CLIC5: variants seen among roughly 807,000 people sequenced by gnomAD.
CLIC5 encodes CLIC family member 5.
Under a neutral mutation model 24.7 loss-of-function variants are expected in CLIC5, and 20 were observed. The observed-to-expected ratio is 0.81, with a 90% CI of 0.57 to 1.18. The LOEUF (loss-of-function observed/expected upper bound fraction) is 1.18. Ranked by LOEUF, CLIC5 falls within the 50% of genes most tolerant of loss-of-function variation. CLIC5 has a pLI of 0.00. For missense variants in CLIC5, 341 were observed against 326.1 expected, an observed-to-expected ratio of 1.05 and a Z score of -0.35; for synonymous variants, 159 against 135.6, an observed-to-expected ratio of 1.17 and a Z score of -1.20.
chr6:46,063,938 C>T (rs774007280), intron 1 of CLIC5, among the ~76,000 whole-genome samples: 11 of 152,080 alleles, frequency 7.2e-5, no homozygotes, highest in Non-Finnish European at 1.5e-4. Context: ...TAAAGGAACA[C>T]AACAAAATCC....
chr6:45,946,302 G>T (rs1764287204), intron 3 of CLIC5, among the ~76,000 whole-genome samples: 1 of 152,210 alleles, frequency 6.6e-6, no homozygotes, highest in Non-Finnish European at 1.5e-5. Flanking sequence ...GTGTTCACTA[G>T]ATCAATCTAA....
chr6:45,883,507 T>C (rs920405009), intron 6 of CLIC5, among the ~76,000 whole-genome samples: 2 of 152,188 alleles, frequency 1.3e-5, no homozygotes, highest in African/African-American at 4.8e-5. Flanking sequence ...GCTCCTGGCA[T>C]GGGGAGGCAG....
At chr6:46,116,613 T>G in the CLIC5 span, among the ~76,000 whole-genome samples, 1 of 152,150 alleles carries the variant, frequency 6.6e-6, no homozygotes, top group Non-Finnish European at 1.5e-5. Flanking sequence ...CCAGAAAAAT[T>G]TACCTCAATT....
At chr6:46,106,094 T>C in the CLIC5 span, among the ~76,000 whole-genome samples, 1 of 152,188 alleles carries the variant, frequency 6.6e-6, no homozygotes, top group African/African-American at 2.4e-5. Flanking sequence ...TGTGTCTATT[T>C]TTTGGCACCT....
chr6:46,024,230 G>A (rs958083779), intron 1 of CLIC5, among the ~76,000 whole-genome samples: 6 of 152,242 alleles, frequency 3.9e-5, no homozygotes, highest in African/African-American at 1.4e-4. Flanking sequence ...GAGTTACCCA[G>A]TTTCCTTGGG....
At chr6:46,019,692 C>CAAAAAA (rs60367562), upstream of CLIC5, among the ~76,000 whole-genome samples, 2 of 62,850 alleles carry the variant, frequency 3.2e-5, no homozygotes, top group Middle Eastern at 0.01. Context: ...GACTCCGTCT[C>CAAAAAA]AAAAAAAAAA....
intron 5 of CLIC5, chr6:45,912,475 G>C: frequency 7.8e-7 from 1 of 1,285,744 alleles, no homozygotes. Context: ...TTGAGTGGTA[G>C]TGAATACATG....
At chr6:45,897,574 A>G (rs1440206048), downstream of CLIC5, among the ~76,000 whole-genome samples, 2 of 152,126 alleles carry the variant, frequency 1.3e-5, 1 homozygote. Flanking sequence ...TCCCATCAAG[A>G]TCCACCCCTG....
At chr6:46,100,184 A>T in the CLIC5 span, among the ~76,000 whole-genome samples, 1 of 152,096 alleles carries the variant, frequency 6.6e-6, no homozygotes, top group Non-Finnish European at 1.5e-5. Flanking sequence ...TCCGCCTTTG[A>T]CCTTTTACCT....
intron 4 of CLIC5, among the ~76,000 whole-genome samples, chr6:45,937,212 G>A (rs568049565): frequency 6.6e-5 from 10 of 152,202 alleles, no homozygotes; most frequent in Admixed American, 1.3e-4. Flanking sequence ...AGCTAACTGA[G>A]GGGGAAGCAA....
intron 4 of CLIC5, among the ~76,000 whole-genome samples, chr6:45,921,885 A>T (rs1763275856): frequency 6.6e-6 from 1 of 152,220 alleles, no homozygotes; most frequent in South Asian, 2.1e-4. Context: ...AGAACACTGG[A>T]CTTGGCCTCA....
At chr6:46,039,423 T>C (rs1031945020) in intron 1 of CLIC5, among the ~76,000 whole-genome samples, 2 of 151,982 alleles carry the variant, frequency 1.3e-5, no homozygotes, top group African/African-American at 4.8e-5. Context: ...CAAGAAGTGA[T>C]CAGTATTTAA....
At position 46,075,908 on chromosome 6, in the gene CLIC5, C is replaced by G. The variant is rs189657641; in HGVS notation, c.540+3795G>C. Among the ~76,000 whole-genome samples the G allele has an allele frequency of 2.5e-3, 386 of 152,214 alleles. 2 individuals are homozygous for G. The highest frequency in any genetic ancestry group is 4.5e-3 in the Non-Finnish European group (305 of 67,998). On this transcript the variant is annotated intron_variant, in intron 1 of 5. Coordinates refer to the CLIC5 transcript ENST00000185206. ...GAGTCAACCATGGCTCTTTATTTTT[C>G]TTTTCACCCACATCAAATTCTTCAG...
chr6:46,102,659 T>C, the CLIC5 span: 1 of 152,790 alleles, frequency 6.5e-6, no homozygotes, highest in African/African-American at 2.4e-5. Context: ...ACTCCAGCCA[T>C]CTTCAAATTA....
chr6:46,008,954 C>T (rs1470214293), intron 1 of CLIC5, among the ~76,000 whole-genome samples: 2 of 152,106 alleles, frequency 1.3e-5, no homozygotes. Flanking sequence ...CAGTGGTTCT[C>T]AGTCTTTGAT....
At chr6:46,087,495 C>G in the CLIC5 span, among the ~76,000 whole-genome samples, 1 of 152,154 alleles carries the variant, frequency 6.6e-6, no homozygotes, top group Non-Finnish European at 1.5e-5. Context: ...TGCCCTGGCA[C>G]TGTCATCTTA....
At chr6:46,005,093 G>A (rs368441543) in intron 1 of CLIC5, among the ~76,000 whole-genome samples, 1 of 152,196 alleles carries the variant, frequency 6.6e-6, no homozygotes, top group South Asian at 2.1e-4. Flanking sequence ...GCCTTGGGCT[G>A]GATCAAGAAA....
chr6:46,129,723 G>A, the CLIC5 span: 1 of 145,698 alleles, frequency 6.9e-6, no homozygotes, highest in African/African-American at 2.5e-5. Context: ...AATTGCCTGA[G>A]GCCTTTCCGG....
intron 1 of CLIC5, among the ~76,000 whole-genome samples, chr6:46,031,013 C>T (rs1767483442): frequency 6.6e-6 from 1 of 152,188 alleles, no homozygotes; most frequent in Non-Finnish European, 1.5e-5. Flanking sequence ...TTCTTATGTG[C>T]TAAGTACTGT....
Sources: allele counts gnomAD v4.1 joint callset (sites outside exome capture counted in the v4.1 genomes callset), GRCh38; gene constraint gnomAD v4.1.1; transcripts MANE v1.5; gene names NCBI Gene and HGNC (gene_info 2026-07-23, HGNC 2026-07-21).